MRPS5: variants seen among roughly 807,000 people sequenced by gnomAD.
MRPS5 encodes small ribosomal subunit protein uS5m.
Under a neutral mutation model 51.9 loss-of-function variants are expected in MRPS5, and 27 were observed. The ratio of observed to expected loss-of-function variants is 0.52; its 90% CI spans 0.38 to 0.72. The LOEUF (loss-of-function observed/expected upper bound fraction) is 0.72, where lower values mean the gene tolerates loss of function less well. Among genes scored for constraint, MRPS5 ranks in the 30% least tolerant of loss-of-function variants. The pLI is 0.00. For missense variants in MRPS5, 570 were observed against 545.7 expected (o/e 1.04, Z -0.44); for synonymous variants, 196 against 193.2 (o/e 1.01, Z -0.12).
Position 95,095,034 on chromosome 2 carries a change from T to A in MRPS5, c.932-4512A>T, listed in dbSNP as rs527968707. Among the ~76,000 whole-genome samples the A allele has an allele frequency of 5.9e-5, 9 of 152,174 alleles. No individual in the cohort carries two copies. In the East Asian group the frequency reaches 1.7e-3, roughly 29 times the overall value. On this transcript the variant is annotated intron_variant, in intron 10 of 11. Transcript: ENST00000272418. ...CTCAAAATAAATGGATGGAGGAAGA[T>A]CTACCAAGCAAATGGAAAGCAAAAA... is the stretch of plus-strand genomic sequence containing the variant.
intron 3 of MRPS5, among the ~76,000 whole-genome samples, chr2:95,114,829 C>T (rs908560765): frequency 6.6e-6 from 1 of 152,082 alleles, no homozygotes; most frequent in African/African-American, 2.4e-5. Context: ...TGATTCAATA[C>T]CCTTCAGGCC....
chr2:95,097,220 C>T (rs535471928), intron 10 of MRPS5, among the ~76,000 whole-genome samples: 7 of 152,310 alleles, frequency 4.6e-5, no homozygotes, highest in Non-Finnish European at 1.0e-4. Flanking sequence ...ACATTCCATG[C>T]TCATGGATAG....
chr2:95,101,659 G>GAAA lies in MRPS5; in HGVS notation c.810+15_810+17dup, dbSNP rs751827681. 10 of 1,581,554 alleles carry GAAA rather than the reference G, an allele frequency of 6.3e-6. No homozygotes were observed. Among genetic ancestry groups the GAAA allele is most frequent in the Non-Finnish European group, 8.6e-6 (10 of 1,167,846 alleles). ...TAATCTTTTACTGAGTGTCAACAAA[G>GAAA]AAAAAAAATGTACATACTTTCCTGA... On this transcript the variant is annotated intron_variant, in intron 8 of 11. Transcript: ENST00000272418.
chr2:95,090,312 GGGCATC>G, intron 11 of MRPS5, 68 bp downstream of exon 11: 1 of 1,535,614 alleles, frequency 6.5e-7, no homozygotes, highest in Non-Finnish European at 8.8e-7. Flanking sequence ...GGAGGCCCCA[GGGCATC>G]GTAGCCCCAA....
At chr2:95,115,843 C>T (rs1676270755) in intron 2 of MRPS5, among the ~76,000 whole-genome samples, 2 of 151,124 alleles carry the variant, frequency 1.3e-5, no homozygotes, top group South Asian at 4.2e-4. Flanking sequence ...AGGACTTCAT[C>T]ATTCTAAATT....
intron 6 of MRPS5, among the ~76,000 whole-genome samples, chr2:95,105,468 T>C (rs1573339740): frequency 6.6e-6 from 1 of 151,240 alleles, no homozygotes; most frequent in East Asian, 2.0e-4. Context: ...GAGAATGGCG[T>C]CAACCCGGGA....
chr2:95,110,039 T>G lies in MRPS5; in HGVS notation c.280A>C (p.Thr94Pro), dbSNP rs1472291848. 6.2e-7 allele frequency: 1 copy of G among 1,608,090 alleles called. No individual in the cohort carries two copies. Among genetic ancestry groups the G allele is most frequent in the Non-Finnish European group, 8.5e-7 (1 of 1,178,662 alleles). ...GCGCCTTTCCACAGCTCATCTGCAG[T>G]CACTGTAACGAAACAGGGTTTCTTT... The part of the protein sequence containing the change: ...YRPYSFFTKL[T>P]ADELWKGALA... The change falls in exon 4 of 12, where the codon ACT becomes CCT. Residue 94 changes from threonine (T) to proline (P), a missense_variant and splice_region_variant. Coordinates refer to ENST00000272418, the MANE Select transcript of MRPS5 (RefSeq NM_031902.5).
At chr2:95,089,803 G>A (rs1675404015) in intron 11 of MRPS5, among the ~76,000 whole-genome samples, 1 of 152,188 alleles carries the variant, frequency 6.6e-6, no homozygotes, top group Non-Finnish European at 1.5e-5. Context: ...ACAAGCAGGT[G>A]TTATTTTCAT....
chr2:95,112,641 A>G (rs1406637863), intron 3 of MRPS5, among the ~76,000 whole-genome samples: 2 of 152,202 alleles, frequency 1.3e-5, no homozygotes, highest in Admixed American at 1.3e-4. Flanking sequence ...AACTAGCCCC[A>G]TGCTAGTTTC....
intron 10 of MRPS5, among the ~76,000 whole-genome samples, chr2:95,094,062 CCATGGCACGAGAACTACGTGATG>C (rs1388356474): frequency 3.9e-5 from 6 of 152,098 alleles, no homozygotes; most frequent in Non-Finnish European, 4.4e-5. Context: ...GAGCTGAAAA[CCATGGCACGAGAACTACGTGATG>C]CATGCATAAG....
In MRPS5 at chr2:95,101,337, T is replaced by C. The variant is rs188251200; in HGVS notation, c.810+340A>G. ...AGGCGGAGGTTGCAGTGAGCCGAGA[T>C]CGTGCCACTGCACTCCAGCCTGGGT... is the stretch of plus-strand genomic sequence containing the variant. On this transcript the variant is annotated intron_variant, in intron 8 of 11. Coordinates refer to ENST00000272418, the MANE Select transcript of MRPS5 (RefSeq NM_031902.5). 4.1e-4 allele frequency among the ~76,000 whole-genome samples: 62 copies of C among 149,904 alleles called. No individual in the cohort carries two copies. The East Asian group carries it at 0.01, about 25-fold the overall frequency.
chr2:95,118,671 G>A (rs1676359044), intron 1 of MRPS5, among the ~76,000 whole-genome samples: 1 of 152,196 alleles, frequency 6.6e-6, no homozygotes. Flanking sequence ...ACACAGTGTG[G>A]TACTCCAGAA....
chr2:95,098,918 A>AT lies in MRPS5; in HGVS notation c.931+1555dup, dbSNP rs1472870377. ...CAGAGAAATAAAAATTATTATTATT[A>AT]TTATTTTTTTTTTTTTTTTGAGACT... On this transcript the variant is annotated intron_variant, in intron 10 of 11. Coordinates refer to ENST00000272418, the MANE Select transcript of MRPS5 (RefSeq NM_031902.5). 5.7e-3 allele frequency among the ~76,000 whole-genome samples: 300 copies of AT among 52,552 alleles called. 1 individual carries two copies. The highest frequency in any genetic ancestry group is 7.6e-3 in the Non-Finnish European group (223 of 29,254). The allele number at this position is 52,552 out of a possible 152,430, so 34.5% of individuals were successfully genotyped here. A position where few individuals can be genotyped will look rare whatever the true frequency, so the allele number is the denominator to read the frequency against.
chr2:95,121,338 T>C (rs1488214606), intron 1 of MRPS5, among the ~76,000 whole-genome samples: 6 of 152,040 alleles, frequency 3.9e-5, no homozygotes, highest in Non-Finnish European at 8.8e-5. Flanking sequence ...AAATGCAAAG[T>C]CAATCACGGA....
Position 95,090,438 on chromosome 2 carries a change from G to T in MRPS5, c.1016C>A (p.Ser339Tyr). The change falls in exon 11 of 12, where the codon TCC (serine) becomes TAC (tyrosine). Residue 339 changes from serine (S) to tyrosine (Y), a missense_variant. By Grantham distance (144) the Ser-to-Tyr change is moderately radical. Transcript: ENST00000272418. ...IKDMYAKVSG[S>Y]INMLSLTQGL... ...CTGGGTGAGGCTGAGCATATTAATG[G>T]ACCCAGAGACCTTGGCATACATGTC... is the stretch of plus-strand genomic sequence containing the variant. The T allele has an allele frequency of 6.2e-7, 1 of 1,614,134 alleles. No homozygotes were observed. The highest frequency in any genetic ancestry group is 8.5e-7 in the Non-Finnish European group (1 of 1,180,024).
At chr2:95,097,001 CAAAATCAATGTGCA>C (rs1333674009) in intron 10 of MRPS5, among the ~76,000 whole-genome samples, 2 of 152,194 alleles carry the variant, frequency 1.3e-5, no homozygotes, top group African/African-American at 4.8e-5. Context: ...TCTCAGGATA[CAAAATCAATGTGCA>C]AAAATCACAA....
intron 11 of MRPS5, 59 bp downstream of exon 11, chr2:95,090,327 A>AACACAC (rs34159683): frequency 3.8e-6 from 6 of 1,591,952 alleles, no homozygotes; most frequent in Non-Finnish European, 8.6e-7. Flanking sequence ...TCGTAGCCCC[A>AACACAC]ACACACACAA....
intron 10 of MRPS5, among the ~76,000 whole-genome samples, chr2:95,094,071 G>A (rs1164185477): frequency 1.3e-5 from 2 of 152,150 alleles, no homozygotes; most frequent in Admixed American, 6.5e-5. Flanking sequence ...ACCATGGCAC[G>A]AGAACTACGT....
At chr2:95,115,545 G>T (rs548531873) in intron 2 of MRPS5, among the ~76,000 whole-genome samples, 9 of 152,286 alleles carry the variant, frequency 5.9e-5, no homozygotes, top group African/African-American at 2.2e-4. Context: ...AGCCAGCAAC[G>T]TATTGCTGTG....
Sources: allele counts gnomAD v4.1 joint callset (sites outside exome capture counted in the v4.1 genomes callset), GRCh38; gene constraint gnomAD v4.1.1; transcripts MANE v1.5; gene names NCBI Gene and HGNC (gene_info 2026-07-23, HGNC 2026-07-21).